The following GNA12 variants were observed in gnomAD, a reference collection of about 807,000 sequenced individuals.
GNA12 encodes G protein subunit alpha 12.
In GNA12, 9 loss-of-function variants were observed where a neutral mutation model predicts 26.0. The ratio of observed to expected loss-of-function variants is 0.35; its 90% CI spans 0.21 to 0.60. The LOEUF is 0.60. Ranked by LOEUF, GNA12 falls within the 20% of genes least tolerant of loss-of-function variation. GNA12 has a pLI of 0.78. For missense variants in GNA12, 405 were observed against 525.8 expected (o/e 0.77, Z 2.25); for synonymous variants, 264 against 219.6 (o/e 1.20, Z -1.79).
intron 2 of GNA12, among the ~76,000 whole-genome samples, chr7:2,746,260 T>A (rs1790758459): frequency 6.6e-6 from 1 of 152,058 alleles, no homozygotes; most frequent in East Asian, 1.9e-4. Context: ...AATTGACCAC[T>A]TGATAGTTGG....
intron 2 of GNA12, among the ~76,000 whole-genome samples, chr7:2,773,487 G>A (rs1039127133): frequency 1.3e-5 from 2 of 152,122 alleles, no homozygotes; most frequent in African/African-American, 2.4e-5. Flanking sequence ...GCTTGAACCC[G>A]GGAGGCAGAG....
intron 2 of GNA12, among the ~76,000 whole-genome samples, chr7:2,734,078 G>A (rs1790036799): frequency 6.6e-6 from 1 of 152,202 alleles, no homozygotes; most frequent in South Asian, 2.1e-4. Flanking sequence ...GGATTGTTGT[G>A]GTGGAATGAT....
chr7:2,771,607 C>T lies in GNA12; in HGVS notation c.525+23321G>A, dbSNP rs545150152. Among the ~76,000 whole-genome samples, 19 of 152,258 alleles carry T rather than the reference C, an allele frequency of 1.2e-4. No homozygotes were observed. In the East Asian group the frequency reaches 2.7e-3, roughly 22 times the overall value. On this transcript the variant is annotated intron_variant, in intron 2 of 3. Coordinates refer to ENST00000275364, the MANE Select transcript of GNA12 (RefSeq NM_007353.3). ...CACTTGGCACAATTCTTTCCAGATT[C>T]GCCCATATGCTGCAGGTTACCAGGT...
At chr7:2,762,131 A>T (rs1425730773) in intron 2 of GNA12, 1 of 153,640 alleles carries the variant, frequency 6.5e-6, no homozygotes, top group Non-Finnish European at 1.4e-5. Flanking sequence ...AAAACAAGAC[A>T]TGCCAAAAAT....
chr7:2,838,861 T>C (rs2114981195), intron 1 of GNA12, among the ~76,000 whole-genome samples: 1 of 152,328 alleles, frequency 6.6e-6, no homozygotes, highest in East Asian at 1.9e-4. Context: ...TAAACATTTA[T>C]GCACCACACA....
intron 2 of GNA12, chr7:2,762,431 G>A: frequency 2.0e-6 from 1 of 500,268 alleles, no homozygotes. Context: ...CTTGGCCAAG[G>A]GCAAAAACGC....
intron 2 of GNA12, among the ~76,000 whole-genome samples, chr7:2,735,032 A>G (rs1362440787): frequency 1.3e-5 from 2 of 152,182 alleles, no homozygotes; most frequent in Admixed American, 6.5e-5. Flanking sequence ...TGGCTGTGCC[A>G]AGTCCCCCCG....
chr7:2,776,686 TG>T lies in GNA12; in HGVS notation c.525+18241del, dbSNP rs1792086203. 3.3e-5 allele frequency among the ~76,000 whole-genome samples: 5 copies of T among 152,196 alleles called. 1 individual carries two copies. The highest frequency in any genetic ancestry group is 2.0e-4 in the Admixed American group (3 of 15,276). On this transcript the variant is annotated intron_variant, in intron 2 of 3. Coordinates refer to ENST00000275364, the MANE Select transcript of GNA12 (RefSeq NM_007353.3). ...CTTCCTTCCTTGCATCACCTCAGCT[TG>T]GCCACCCTGCTCCCACTTGGTGCAG...
At chr7:2,744,385 CGCT>C (rs1790664345) in intron 2 of GNA12, among the ~76,000 whole-genome samples, 1 of 152,196 alleles carries the variant, frequency 6.6e-6, no homozygotes, top group African/African-American at 2.4e-5. Flanking sequence ...CTGCAGCCAC[CGCT>C]GCTGATACCC....
At chr7:2,741,114 G>A (rs932171590) in intron 2 of GNA12, among the ~76,000 whole-genome samples, 1 of 152,092 alleles carries the variant, frequency 6.6e-6, no homozygotes, top group Non-Finnish European at 1.5e-5. Context: ...TTCTTCATTT[G>A]TATCACAGGG....
intron 2 of GNA12, among the ~76,000 whole-genome samples, chr7:2,744,157 G>C (rs1188627278): frequency 6.6e-6 from 1 of 152,244 alleles, no homozygotes; most frequent in Non-Finnish European, 1.5e-5. Flanking sequence ...CCGTCTGACA[G>C]CTTTGAAGAG....
chr7:2,837,032 A>T (rs1156926177), intron 1 of GNA12, among the ~76,000 whole-genome samples: 3 of 152,230 alleles, frequency 2.0e-5, no homozygotes, highest in Non-Finnish European at 4.4e-5. Context: ...TCTACCCTCA[A>T]GGAACCAGGT....
chr7:2,733,540 T>G, intron 2 of GNA12, 39 bp from the exon 3 acceptor site: 1 of 1,519,004 alleles, frequency 6.6e-7, no homozygotes, highest in Non-Finnish European at 9.1e-7. Context: ...CAGTCTGGAC[T>G]GAGGAATCCT....
At chr7:2,735,127 G>A (rs557595059) in intron 2 of GNA12, among the ~76,000 whole-genome samples, 2 of 152,024 alleles carry the variant, frequency 1.3e-5, no homozygotes, top group Non-Finnish European at 2.9e-5. Context: ...CCTGATTTAC[G>A]ACAAGTTCCT....
At chr7:2,814,324 GT>G in intron 1 of GNA12, 1 of 1,573,382 alleles carries the variant, frequency 6.4e-7, no homozygotes, top group Non-Finnish European at 8.7e-7. Context: ...TGGACCCAGG[GT>G]GTGCAATGAG....
intron 1 of GNA12, among the ~76,000 whole-genome samples, chr7:2,805,304 A>C (rs898520550): frequency 1.3e-5 from 2 of 152,272 alleles, no homozygotes; most frequent in African/African-American, 4.8e-5. Flanking sequence ...CTTTATAAAT[A>C]ACTCTGCGAG....
chr7:2,783,709 T>C (rs1040283980), intron 2 of GNA12, among the ~76,000 whole-genome samples: 1 of 150,132 alleles, frequency 6.7e-6, no homozygotes, highest in African/African-American at 2.5e-5. Flanking sequence ...TTTTGAGATG[T>C]AGTATTGCTC....
At chr7:2,797,311 AT>A (rs1792701358) in intron 1 of GNA12, among the ~76,000 whole-genome samples, 2 of 152,084 alleles carry the variant, frequency 1.3e-5, no homozygotes, top group African/African-American at 4.8e-5. Context: ...CGCCCGGCTA[AT>A]TTTAAGATTT....
At chr7:2,780,048 G>GTGTGTATGTA (rs748113158) in intron 2 of GNA12, among the ~76,000 whole-genome samples, 1 of 84,734 alleles carries the variant, frequency 1.2e-5, no homozygotes, top group Non-Finnish European at 2.2e-5. Flanking sequence ...ACATTTCTGT[G>GTGTGTATGTA]TACATATATA....
Sources: allele counts gnomAD v4.1 joint callset (sites outside exome capture counted in the v4.1 genomes callset), GRCh38; gene constraint gnomAD v4.1.1; transcripts MANE v1.5; gene names NCBI Gene and HGNC (gene_info 2026-07-23, HGNC 2026-07-21).